DPP10: variants seen among roughly 807,000 people sequenced by gnomAD.
DPP10 encodes dipeptidyl peptidase like 10.
In DPP10, 33 loss-of-function variants were observed where a neutral mutation model predicts 120.9. The observed-to-expected ratio is 0.27, with a 90% CI of 0.21 to 0.37. DPP10 has a LOEUF of 0.37. Among genes scored for constraint, DPP10 ranks in the 10% least tolerant of loss-of-function variants. The pLI, the probability that DPP10 is intolerant of heterozygous loss-of-function variation, is 1.00. For synonymous variants in DPP10, 337 were observed against 326.1 expected, an observed-to-expected ratio of 1.03 and a Z score of -0.36; for missense variants, 816 against 942.8, an observed-to-expected ratio of 0.87 and a Z score of 1.76.
intron 1 of DPP10, among the ~76,000 whole-genome samples, chr2:114,723,201 CTG>C (rs1419210065): frequency 1.3e-5 from 2 of 152,222 alleles, no homozygotes; most frequent in African/African-American, 2.4e-5. Flanking sequence ...AACAATCAGT[CTG>C]TGCTTCTAAG....
rs370987489 is a variant in DPP10, at chr2:115,777,827, C to G, written c.1354C>G (p.Leu452Val). The G allele has an allele frequency of 1.2e-4, 196 of 1,613,234 alleles. 1 individual carries two copies. The South Asian group carries it at 1.7e-3, about 14-fold the overall frequency. Residue 452 changes from leucine (L) to valine (V), a missense_variant, in exon 15 of 26, where the codon CTG (leucine) becomes GTG (valine). Around this residue, in one of 3 missense-constraint regions of DPP10, gnomAD observed 592 missense variants for 649.0 expected, o/e 0.91. Coordinates refer to ENST00000410059, the MANE Select transcript of DPP10 (RefSeq NM_020868.6). ...TGAATCTTCTCCCAGAGGAAGGCAG[C>G]TGTACAGGTAAGCAGTGTGCAAGGA... ...STESSPRGRQLYSASTEGLLN... is the reference protein window; with the variant it reads ...STESSPRGRQVYSASTEGLLN...
intron 1 of DPP10, among the ~76,000 whole-genome samples, chr2:114,652,292 A>G (rs1468408454): frequency 6.6e-6 from 1 of 152,222 alleles, no homozygotes; most frequent in South Asian, 2.1e-4. Flanking sequence ...CTACCTAATT[A>G]AGGAGGCAGG....
intron 1 of DPP10, among the ~76,000 whole-genome samples, chr2:114,584,023 T>A (rs1424816945): frequency 6.6e-6 from 1 of 152,164 alleles, no homozygotes; most frequent in Non-Finnish European, 1.5e-5. Context: ...TAAGAAATAT[T>A]TTTTTAAAAA....
intron 1 of DPP10, among the ~76,000 whole-genome samples, chr2:114,686,802 C>CA (rs905421620): frequency 4.0e-5 from 6 of 151,870 alleles, no homozygotes; most frequent in African/African-American, 1.4e-4. Flanking sequence ...TCTTCCCATA[C>CA]AAAAAATTAC....
intron 1 of DPP10, among the ~76,000 whole-genome samples, chr2:115,072,928 G>T (rs1043582576): frequency 1.3e-5 from 2 of 151,912 alleles, no homozygotes; most frequent in East Asian, 3.9e-4. Context: ...GTTTACAGGT[G>T]CCCACCACCA....
rs114052272 is a variant in DPP10, at chr2:115,299,996, C to G, written c.61-9243C>G. Among the ~76,000 whole-genome samples, 1,032 of 152,142 alleles carry G rather than the reference C, an allele frequency of 6.8e-3. 6 individuals carry two copies. Among genetic ancestry groups the G allele is most frequent in the Non-Finnish European group, 8.8e-3 (601 of 67,968 alleles). Reference sequence around the variant, plus strand: ...CATCCTTCAAGTGGTCCTATAAATTCTCTAATAACATTTTGTGGTTTTCCC... The same window carrying G: ...CATCCTTCAAGTGGTCCTATAAATTGTCTAATAACATTTTGTGGTTTTCCC... On this transcript the variant is annotated intron_variant, in intron 1 of 25. Coordinates refer to ENST00000410059, the MANE Select transcript of DPP10 (RefSeq NM_020868.6).
At chr2:115,331,371 A>G (rs1480506198) in intron 2 of DPP10, among the ~76,000 whole-genome samples, 2 of 152,108 alleles carry the variant, frequency 1.3e-5, no homozygotes, top group African/African-American at 2.4e-5. Flanking sequence ...TCTGCAAACA[A>G]GGACAATTTG....
intron 1 of DPP10, among the ~76,000 whole-genome samples, chr2:114,801,265 A>G (rs1340534817): frequency 1.2e-5 from 1 of 85,822 alleles, no homozygotes; most frequent in African/African-American, 3.7e-5. Context: ...TCTGTATCAA[A>G]AAAAAAAAAA....
At chr2:114,658,177 C>A (rs544815240) in intron 1 of DPP10, among the ~76,000 whole-genome samples, 1 of 152,194 alleles carries the variant, frequency 6.6e-6, no homozygotes, top group Admixed American at 6.5e-5. Flanking sequence ...GGTAACAAGG[C>A]GTTCACAAAT....
chr2:114,560,622 T>C (rs1171516887), intron 1 of DPP10, among the ~76,000 whole-genome samples: 1 of 152,134 alleles, frequency 6.6e-6, no homozygotes, highest in Admixed American at 6.5e-5. Context: ...CCCCAGATGA[T>C]GCGTCTGTAC....
intron 3 of DPP10, among the ~76,000 whole-genome samples, chr2:115,473,954 T>C (rs1261135925): frequency 6.6e-6 from 1 of 152,136 alleles, no homozygotes; most frequent in Non-Finnish European, 1.5e-5. Flanking sequence ...CCTGGAACCA[T>C]TGAATTCCCA....
intron 1 of DPP10, among the ~76,000 whole-genome samples, chr2:114,840,085 C>T (rs1287656324): frequency 6.6e-6 from 1 of 152,100 alleles, no homozygotes; most frequent in Non-Finnish European, 1.5e-5. Context: ...CTTCACAAAG[C>T]CTGTGAAACA....
intron 1 of DPP10, among the ~76,000 whole-genome samples, chr2:115,301,695 G>A (rs1156940135): frequency 6.6e-6 from 1 of 151,848 alleles, no homozygotes; most frequent in East Asian, 1.9e-4. Flanking sequence ...AGGACCTGGA[G>A]CTTTCTAATC....
chr2:114,519,047 C>A (rs944960936), intron 1 of DPP10, among the ~76,000 whole-genome samples: 1 of 152,226 alleles, frequency 6.6e-6, no homozygotes, highest in Non-Finnish European at 1.5e-5. Flanking sequence ...GGCCTACTGT[C>A]TCTGATGAGT....
chr2:115,447,163 G>T (rs1244309556), intron 3 of DPP10, among the ~76,000 whole-genome samples: 1 of 152,186 alleles, frequency 6.6e-6, no homozygotes, highest in East Asian at 1.9e-4. Context: ...GGAGCTTTAA[G>T]ATTTAATGAC....
At chr2:115,562,805 A>T (rs1235507487) in intron 5 of DPP10, among the ~76,000 whole-genome samples, 1 of 152,180 alleles carries the variant, frequency 6.6e-6, no homozygotes, top group Admixed American at 6.5e-5. Flanking sequence ...TGTCTACATA[A>T]GTTTAAGTTG....
chr2:115,014,755 T>A (rs1482100204), intron 1 of DPP10, among the ~76,000 whole-genome samples: 2 of 151,728 alleles, frequency 1.3e-5, no homozygotes, highest in African/African-American at 4.8e-5. Context: ...AATGGATAAA[T>A]TCCTGGACAT....
intron 1 of DPP10, among the ~76,000 whole-genome samples, chr2:114,565,136 A>G (rs1689098617): frequency 6.6e-6 from 1 of 152,158 alleles, no homozygotes; most frequent in South Asian, 2.1e-4. Flanking sequence ...CTCTGGTTCA[A>G]GAAGGGCTAA....
chr2:114,998,688 T>C (rs1300490165), intron 1 of DPP10, among the ~76,000 whole-genome samples: 5 of 152,168 alleles, frequency 3.3e-5, no homozygotes, highest in African/African-American at 1.2e-4. Context: ...AGACAAGGTA[T>C]AGCACAGCTC....
Sources: allele counts gnomAD v4.1 joint callset (sites outside exome capture counted in the v4.1 genomes callset), GRCh38; gene constraint gnomAD v4.1.1; regional missense constraint gnomAD v4.1.1; transcripts MANE v1.5; gene names NCBI Gene and HGNC (gene_info 2026-07-23, HGNC 2026-07-21).